The following FRMD3 variants were observed in gnomAD, a reference collection of about 807,000 sequenced individuals.
FRMD3 encodes the protein FERM domain containing 3.
A neutral mutation model predicts 70.2 loss-of-function variants in FRMD3; 33 were observed. That is an observed-to-expected ratio of 0.47 (90% CI 0.36 to 0.63). The LOEUF is 0.63. Ranked by LOEUF, FRMD3 falls within the 20% of genes least tolerant of loss-of-function variation. The pLI is 0.00. For synonymous variants in FRMD3, 279 were observed against 255.9 expected (o/e 1.09, Z -0.86); for missense variants, 632 against 711.4 (o/e 0.89, Z 1.27).
chr9:83,269,604 G>A (rs184069624), intron 13 of FRMD3, among the ~76,000 whole-genome samples: 20 of 152,244 alleles, frequency 1.3e-4, no homozygotes, highest in African/African-American at 4.8e-4. Context: ...AGGTACTCGG[G>A]AGGCTGAGGC....
At chr9:83,306,408 T>G (rs1464437523) in intron 10 of FRMD3, among the ~76,000 whole-genome samples, 2 of 152,256 alleles carry the variant, frequency 1.3e-5, no homozygotes, top group East Asian at 3.9e-4. Flanking sequence ...ATCACCTCTT[T>G]TTCTACCTCA....
intron 10 of FRMD3, among the ~76,000 whole-genome samples, chr9:83,301,473 G>GTT (rs199862325): frequency 6.7e-6 from 1 of 148,528 alleles, no homozygotes; most frequent in African/African-American, 2.5e-5. Flanking sequence ...TTGTGTATGT[G>GTT]TTTTTTTTTA....
rs976121088 is a variant in FRMD3, at chr9:83,244,957, A to T, written c.*2961T>A. On this transcript the variant is annotated 3_prime_UTR_variant, in exon 14 of 14. Transcript: ENST00000304195. ...ACTAAAGGCAATATTGTGTGTGTAT[A>T]TGTATTTGCCATATGTGTGTGTGTA... is the stretch of plus-strand genomic sequence containing the variant. 3 of 983,470 alleles carry T rather than the reference A, an allele frequency of 3.1e-6. No homozygotes were observed. In the East Asian group the frequency reaches 3.4e-4, roughly 111 times the overall value. The allele number at this position is 983,470 out of a possible 1,614,324, so 60.9% of individuals were successfully genotyped here. A position where few individuals can be genotyped will look rare whatever the true frequency, so the allele number is the denominator to read the frequency against.
rs1829917770 is a variant in FRMD3 at position 83,537,333 on chromosome 9, A to T, written c.147+752T>A. 1.3e-5 allele frequency among the ~76,000 whole-genome samples: 2 copies of T among 152,108 alleles called. No homozygotes were observed. The highest frequency in any genetic ancestry group is 4.8e-5 in the African/African-American group (2 of 41,406). On this transcript the variant is annotated intron_variant, in intron 1 of 13. Transcript: ENST00000304195. This position sits in a 1 kb window ranked among gnomAD's most constrained non-coding sequence, Gnocchi z 4.1. ...GACAGTGAATGTCCACCAAGATTCC[A>T]CGGGGCTCTTTTACCCAGGACCCAG... is the stretch of plus-strand genomic sequence containing the variant.
At chr9:83,282,556 T>C (rs1834014756) in intron 13 of FRMD3, among the ~76,000 whole-genome samples, 1 of 133,182 alleles carries the variant, frequency 7.5e-6, no homozygotes, top group African/African-American at 2.6e-5. Context: ...TTTTTTTTTT[T>C]ACCTTGACAT....
At chr9:83,386,492 A>G (rs1825514934) in intron 2 of FRMD3, among the ~76,000 whole-genome samples, 1 of 152,206 alleles carries the variant, frequency 6.6e-6, no homozygotes, top group Non-Finnish European at 1.5e-5. Flanking sequence ...TAAACAACCT[A>G]AAGACTTCTC....
chr9:83,300,734 A>G (rs11140015), intron 10 of FRMD3, among the ~76,000 whole-genome samples: 73,917 of 152,046 alleles, frequency 0.49, 20,481 homozygotes, highest in East Asian at 0.64. Context: ...GACTCAATGC[A>G]CATTTTCCCA....
chr9:83,252,211 A>C (rs1832461858), intron 13 of FRMD3, among the ~76,000 whole-genome samples: 1 of 150,952 alleles, frequency 6.6e-6, no homozygotes, highest in South Asian at 2.1e-4. Context: ...ATTGGGGGCC[A>C]ATATTCAACA....
In FRMD3 at chr9:83,304,811, C is replaced by T. The variant is rs112471968; in HGVS notation, c.926+4725G>A. ...CAGTGAGCTCTGGGGTTGGCAGCAC[C>T]ATGACAGACCACACATGGTATAAAG... On this transcript the variant is annotated intron_variant, in intron 10 of 13. Transcript: ENST00000304195. Among the ~76,000 whole-genome samples the T allele has an allele frequency of 7.3e-3, 1,117 of 152,286 alleles. 4 individuals are homozygous for T. The highest frequency in any genetic ancestry group is 0.02 in the Middle Eastern group (6 of 294).
intron 1 of FRMD3, among the ~76,000 whole-genome samples, chr9:83,524,596 A>G (rs1181855228): frequency 1.3e-5 from 2 of 152,226 alleles, no homozygotes; most frequent in Non-Finnish European, 2.9e-5. Context: ...ACTACTGAGA[A>G]CATTCAAAAA....
chr9:83,522,952 A>G (rs1243638986), intron 1 of FRMD3, among the ~76,000 whole-genome samples: 9 of 151,536 alleles, frequency 5.9e-5, no homozygotes, highest in Admixed American at 3.9e-4. Context: ...CTCTGGCTCT[A>G]CTATTGGCCC....
chr9:83,291,985 T>G (rs1331095630), intron 12 of FRMD3, among the ~76,000 whole-genome samples: 3 of 152,168 alleles, frequency 2.0e-5, no homozygotes, highest in Non-Finnish European at 4.4e-5. Context: ...AGGACTTGCT[T>G]AGCCATGGAG....
Position 83,311,983 on chromosome 9 carries a change from A to C in FRMD3, c.685-8T>G. The C allele has an allele frequency of 1.3e-6, 2 of 1,573,406 alleles. No homozygotes were observed. The highest frequency in any genetic ancestry group is 8.6e-7 in the Non-Finnish European group (1 of 1,167,076). ...TGTTGTGCCTGTTGAATCCTGAAAA[A>C]AAAAAAAAAGAAAAAAGAAAAATCT... On this transcript the variant is annotated splice_polypyrimidine_tract_variant and splice_region_variant and intron_variant, in intron 7 of 13. Transcript: ENST00000304195.
Position 83,490,985 on chromosome 9 carries a change from T to C in FRMD3, c.147+47100A>G, listed in dbSNP as rs531772066. Among the ~76,000 whole-genome samples the C allele has an allele frequency of 3.3e-4, 50 of 152,320 alleles. No homozygotes were observed. In the South Asian group the frequency reaches 9.3e-3, roughly 28 times the overall value. ...CATTTTTTAAACTTCTATGGTCAAA[T>C]GACTTTGACAACCACCACATTTATA... On this transcript the variant is annotated intron_variant, in intron 1 of 13. Coordinates refer to ENST00000304195, the MANE Select transcript of FRMD3 (RefSeq NM_174938.6).
chr9:83,321,944 G>A, intron 6 of FRMD3, among the ~76,000 whole-genome samples: 1 of 152,164 alleles, frequency 6.6e-6, no homozygotes, highest in East Asian at 1.9e-4. Flanking sequence ...GCCCCTAGCA[G>A]AGCAGTGGGT....
At chr9:83,479,712 GAAAGAAAGAA>G in intron 1 of FRMD3, among the ~76,000 whole-genome samples, 1 of 70,748 alleles carries the variant, frequency 1.4e-5, no homozygotes, top group Non-Finnish European at 2.6e-5. Context: ...AAGAAAGAAA[GAAAGAAAGAA>G]AAGAAAGGGA....
chr9:83,480,366 C>T (rs1828538180), intron 1 of FRMD3, among the ~76,000 whole-genome samples: 1 of 151,928 alleles, frequency 6.6e-6, no homozygotes. Flanking sequence ...ATTCAACCAA[C>T]CTCTAATCAA....
the FRMD3 span, among the ~76,000 whole-genome samples, chr9:83,561,193 TAACA>T: frequency 6.6e-6 from 1 of 152,176 alleles, no homozygotes; most frequent in African/African-American, 2.4e-5. Context: ...TCTGGTGACA[TAACA>T]AACAAACAGA....
chr9:83,334,709 A>G (rs996456970), intron 6 of FRMD3, among the ~76,000 whole-genome samples: 3 of 152,058 alleles, frequency 2.0e-5, no homozygotes, highest in African/African-American at 7.2e-5. Flanking sequence ...GTTGGCAATG[A>G]TCCCTACACA....
Sources: gnomAD v4.1 joint callset for allele counts (sites outside exome capture counted in the v4.1 genomes callset) on GRCh38, gnomAD v4.1.1 for gene constraint, Gnocchi (gnomAD v3.1) non-coding constraint, MANE v1.5 for transcripts, NCBI Gene and HGNC (gene_info 2026-07-23, HGNC 2026-07-21) for gene names.